The following PEX11A variants were observed in gnomAD, a reference collection of about 807,000 sequenced individuals.
PEX11A encodes peroxisomal membrane protein 11A.
Under a neutral mutation model 14.4 loss-of-function variants are expected in PEX11A, and 13 were observed. The ratio of observed to expected loss-of-function variants is 0.90; its 90% CI spans 0.59 to 1.43. The LOEUF (loss-of-function observed/expected upper bound fraction) is 1.43, where lower values mean the gene tolerates loss of function less well. PEX11A is among the 40% of genes most tolerant of loss of function. The probability of loss-of-function intolerance (pLI) is 0.00; values close to 1 mark genes in which losing one functional copy is unlikely to be tolerated. For synonymous variants in PEX11A, 101 were observed against 113.0 expected (o/e 0.89, Z 0.67); for missense variants, 290 against 302.8 (o/e 0.96, Z 0.31).
At chr15:89,688,326 C>A in intron 1 of PEX11A, 2 of 307,880 alleles carry the variant, frequency 6.5e-6, no homozygotes, top group South Asian at 6.5e-5. Context: ...TTATACAGAT[C>A]ATCAAGGAGG....
chr15:89,686,497 C>T lies in PEX11A; in HGVS notation c.106G>A (p.Ala36Thr), dbSNP rs1204881465. 2 of 1,607,798 alleles carry T rather than the reference C, an allele frequency of 1.2e-6. No individual in the cohort carries two copies. The highest frequency in any genetic ancestry group is 1.3e-5 in the African/African-American group (1 of 74,772). The change falls in exon 2 of 3, where the codon GCT becomes ACT. Residue 36 changes from alanine to threonine, a missense_variant. By Grantham distance (58) the Ala-to-Thr change is moderately conservative (BLOSUM62 0). Transcript: ENST00000300056. The stretch of plus-strand genomic sequence containing the variant: ...TTCATTACCACCTTCTCTTTGCCAG[C>T]TTTGGGCTCTAACAAATATCTAAGC... ...MLLRYLLEPK[A>T]GKEKVVMKLK...
intron 1 of PEX11A, among the ~76,000 whole-genome samples, chr15:89,687,391 AAT>A (rs536671630): frequency 6.6e-6 from 1 of 152,224 alleles, no homozygotes; most frequent in Non-Finnish European, 1.5e-5. Flanking sequence ...AATTAGTATA[AAT>A]ATGTTTTCAT....
intron 1 of PEX11A, among the ~76,000 whole-genome samples, chr15:89,689,759 C>T (rs1235989262): frequency 6.6e-6 from 1 of 152,204 alleles, no homozygotes; most frequent in Non-Finnish European, 1.5e-5. Flanking sequence ...ATTTACAAAA[C>T]TATTCCACAT....
intron 1 of PEX11A, among the ~76,000 whole-genome samples, chr15:89,689,237 AT>A (rs36094429): frequency 0.83 from 126,535 of 152,152 alleles, 53,941 homozygotes; most frequent in Middle Eastern, 0.95. Flanking sequence ...CAGTTCTGCC[AT>A]TGTAGTACCT....
chr15:89,683,601 T>C lies in PEX11A; in HGVS notation c.520A>G (p.Thr174Ala), dbSNP rs758809459. The C allele has an allele frequency of 2.0e-5, 33 of 1,614,136 alleles. No homozygotes were observed. In the South Asian group the frequency reaches 3.6e-4, roughly 18 times the overall value. Residue 174 changes from threonine (T) to alanine (A), a missense_variant, in exon 3 of 3, where the codon ACA becomes GCA. Coordinates refer to ENST00000300056, the MANE Select transcript of PEX11A (RefSeq NM_003847.3). ...AGTAGAAAGGATTGGAGCCATTCTGTTTCCTCCTCAGCCACGCTGAACCAA... is the reference window on the plus strand; with the variant it reads ...AGTAGAAAGGATTGGAGCCATTCTGCTTCCTCCTCAGCCACGCTGAACCAA... Reference protein sequence around the residue: ...PLWFSVAEEETEWLQSFLLLL... With the variant: ...PLWFSVAEEEAEWLQSFLLLL...
chr15:89,690,678 G>A lies in PEX11A; in HGVS notation c.-46C>T. On this transcript the variant is annotated 5_prime_UTR_variant, in exon 1 of 3. Transcript: ENST00000300056. ...CGAGTCGCACGGGGCTCAGGCGTGG[G>A]TCCTCTGGGGCCCGTCGGATCCCCA... is the stretch of plus-strand genomic sequence containing the variant. 1.4e-6 allele frequency: 2 copies of A among 1,424,302 alleles called. No individual in the cohort carries two copies. The highest frequency in any genetic ancestry group is 1.9e-6 in the Non-Finnish European group (2 of 1,033,410). The allele number at this position is 1,424,302 out of a possible 1,614,324, so 88.2% of individuals were successfully genotyped here.
chr15:89,683,510 T>A lies in PEX11A; in HGVS notation c.611A>T (p.Asp204Val), dbSNP rs777969811. ...CAGCTGGTCCAAAGGGTTCAGGATA[T>A]CACAAAGGTTCTTCACTGTGTCCAG... is the stretch of plus-strand genomic sequence containing the variant. Reference protein sequence around the residue: ...LLLDTVKNLCDILNPLDQLGI... With the variant: ...LLLDTVKNLCVILNPLDQLGI... The change falls in exon 3 of 3, where the codon GAT becomes GTT. Residue 204 changes from aspartate (D) to valine (V), a missense_variant. By Grantham distance (152) the Asp-to-Val change is radical. Transcript: ENST00000300056. 1 of 1,614,164 alleles carries A rather than the reference T, an allele frequency of 6.2e-7. No homozygotes were observed. The highest frequency in any genetic ancestry group is 1.7e-5 in the Admixed American group (1 of 60,016).
chr15:89,686,094 G>C (rs531638123), intron 2 of PEX11A, among the ~76,000 whole-genome samples: 2 of 152,292 alleles, frequency 1.3e-5, no homozygotes, highest in African/African-American at 4.8e-5. Context: ...TTAGAATAAA[G>C]GGGCTCACAG....
intron 2 of PEX11A, 82 bp from the exon 3 acceptor site, chr15:89,684,030 G>T: frequency 1.9e-6 from 2 of 1,064,232 alleles, no homozygotes; most frequent in Non-Finnish European, 2.8e-6. Context: ...AGGGTGAGGA[G>T]CCAGCTTTTT....
At chr15:89,687,916 A>C in intron 1 of PEX11A, 1 of 490,408 alleles carries the variant, frequency 2.0e-6, no homozygotes, top group South Asian at 1.6e-5. Context: ...CTTCATAATA[A>C]AACAAAAGAT....
At chr15:89,685,741 C>T (rs924117364) in intron 2 of PEX11A, among the ~76,000 whole-genome samples, 2 of 152,086 alleles carry the variant, frequency 1.3e-5, no homozygotes, top group Non-Finnish European at 2.9e-5. Flanking sequence ...CCATAAGGCT[C>T]AGGAATGTAC....
chr15:89,687,989 G>GCATC (rs1310299878), intron 1 of PEX11A: 32 of 551,076 alleles, frequency 5.8e-5, no homozygotes, highest in South Asian at 1.7e-4. Context: ...CAAAATGCTG[G>GCATC]CATCTTTTAA....
At chr15:89,683,998 AG>A (rs1482178202) in intron 2 of PEX11A, 50 bp from the exon 3 acceptor site, 14 of 1,298,554 alleles carry the variant, frequency 1.1e-5, no homozygotes, top group Non-Finnish European at 1.5e-5. Context: ...AGTACACAAC[AG>A]GAAGATAGAA....
chr15:89,684,020 A>G, intron 2 of PEX11A, 72 bp from the exon 3 acceptor site: 1 of 1,123,340 alleles, frequency 8.9e-7, no homozygotes, highest in Non-Finnish European at 1.3e-6. Flanking sequence ...TCCCTGTATC[A>G]GGGTGAGGAG....
chr15:89,681,833 G>C lies in PEX11A; in HGVS notation c.*1544C>G, dbSNP rs1216925194. The C allele has an allele frequency of 3.6e-6, 1 of 281,466 alleles. No individual in the cohort carries two copies. The highest frequency in any genetic ancestry group is 2.2e-5 in the African/African-American group (1 of 45,400). 17.4% of individuals were successfully genotyped at this position (281,466 alleles called of 1,614,324 possible). On this transcript the variant is annotated 3_prime_UTR_variant, in exon 3 of 3. Coordinates refer to ENST00000300056, the MANE Select transcript of PEX11A (RefSeq NM_003847.3). ...CAGCTTTGCTGGGAGGACTGACATCGGCCTCCTACCTGCTGGCATCCTATT... is the reference window on the plus strand; with the variant it reads ...CAGCTTTGCTGGGAGGACTGACATCCGCCTCCTACCTGCTGGCATCCTATT...
Position 89,681,661 on chromosome 15 carries a change from A to G in PEX11A, c.*1716T>C. The G allele has an allele frequency of 1.8e-6, 1 of 546,794 alleles. No homozygotes were observed. The highest frequency in any genetic ancestry group is 3.3e-6 in the Non-Finnish European group (1 of 306,866). The allele number at this position is 546,794 out of a possible 1,614,324, so 33.9% of individuals were successfully genotyped here. The stretch of plus-strand genomic sequence containing the variant: ...TTTCATGTCTCTTAAAATTCCCTAA[A>G]TTTTATTTCTCAAATCCCATATCGT... On this transcript the variant is annotated 3_prime_UTR_variant, in exon 3 of 3. Coordinates refer to ENST00000300056, the MANE Select transcript of PEX11A (RefSeq NM_003847.3).
At chr15:89,687,377 C>A (rs1184504609) in intron 1 of PEX11A, among the ~76,000 whole-genome samples, 1 of 152,154 alleles carries the variant, frequency 6.6e-6, no homozygotes. Context: ...CACATCAGTA[C>A]ATAAATTAGT....
chr15:89,683,763 G>A lies in PEX11A; in HGVS notation c.358C>T (p.Arg120Ter), dbSNP rs1378950011. The A allele has an allele frequency of 1.9e-6, 3 of 1,614,032 alleles. No individual in the cohort carries two copies. The highest frequency in any genetic ancestry group is 2.5e-6 in the Non-Finnish European group (3 of 1,179,922). The change falls in exon 3 of 3, where the codon CGA becomes TGA. Residue 120 changes from arginine to a stop codon, truncating the protein, a stop_gained. Coordinates refer to ENST00000300056, the MANE Select transcript of PEX11A (RefSeq NM_003847.3). LOFTEE classifies it low-confidence loss of function (END_TRUNC). ...LTSGINKEKW[R>*]TRAAHHYYYS... ...TAGTAGTGGTGAGCAGCCCTCGTTC[G>A]CCATTTCTCTTTGTTGATGCCAGAG... is the stretch of plus-strand genomic sequence containing the variant.
At position 89,688,377 on chromosome 15, in the gene PEX11A, A is replaced by T. The variant is rs183489846; in HGVS notation, c.57-1831T>A. 3.1e-5 allele frequency: 7 copies of T among 228,190 alleles called. No homozygotes were observed. The East Asian group carries it at 9.7e-4, about 32-fold the overall frequency. 14.1% of individuals were successfully genotyped at this position (228,190 alleles called of 1,614,324 possible). A position where few individuals can be genotyped will look rare whatever the true frequency, so the allele number is the denominator to read the frequency against. ...TAGAGATCTCAGATCTTTTGGAATAAACATATCTTAAATTATTATTATTAT... is the reference window on the plus strand; with the variant it reads ...TAGAGATCTCAGATCTTTTGGAATATACATATCTTAAATTATTATTATTAT... On this transcript the variant is annotated intron_variant, in intron 1 of 2. Transcript: ENST00000300056.
Sources: allele counts gnomAD v4.1 joint callset (sites outside exome capture counted in the v4.1 genomes callset), GRCh38; gene constraint gnomAD v4.1.1; transcripts MANE v1.5; gene names NCBI Gene and HGNC (gene_info 2026-07-23, HGNC 2026-07-21).